The following PLXDC2 variants were observed in gnomAD, a reference collection of about 807,000 sequenced individuals.
PLXDC2 encodes the protein plexin domain-containing protein 2.
PLXDC2 carries 40 observed loss-of-function variants against 68.9 expected under a neutral mutation model. The ratio of observed to expected loss-of-function variants is 0.58; its 90% CI spans 0.45 to 0.76. The LOEUF (loss-of-function observed/expected upper bound fraction) is 0.76. Among genes scored for constraint, PLXDC2 ranks in the 30% least tolerant of loss-of-function variants. The pLI, the probability that PLXDC2 is intolerant of heterozygous loss-of-function variation, is 0.00. For synonymous variants in PLXDC2, 243 were observed against 234.2 expected, an observed-to-expected ratio of 1.04 and a Z score of -0.34; for missense variants, 644 against 661.9, an observed-to-expected ratio of 0.97 and a Z score of 0.30.
At chr10:19,933,814 AAAGG>A (rs1246668360) in intron 1 of PLXDC2, among the ~76,000 whole-genome samples, 4 of 137,664 alleles carry the variant, frequency 2.9e-5, no homozygotes, top group Non-Finnish European at 4.7e-5. Context: ...GGGAGGGAAA[AAAGG>A]AAGGAGGGAA....
intron 2 of PLXDC2, among the ~76,000 whole-genome samples, chr10:20,039,491 C>G (rs1439110790): frequency 1.3e-5 from 2 of 151,994 alleles, no homozygotes; most frequent in African/African-American, 2.4e-5. Context: ...GGTTATTGAC[C>G]TTGAATCTCC....
intron 13 of PLXDC2, among the ~76,000 whole-genome samples, chr10:20,248,426 C>A (rs1835629185): frequency 6.6e-6 from 1 of 152,146 alleles, no homozygotes; most frequent in Non-Finnish European, 1.5e-5. Context: ...CTGAGTGAGG[C>A]TCAGAAGAGT....
chr10:20,222,635 T>C (rs1835227876), intron 12 of PLXDC2, among the ~76,000 whole-genome samples: 1 of 152,114 alleles, frequency 6.6e-6, no homozygotes, highest in Non-Finnish European at 1.5e-5. Context: ...AATTCAGGTC[T>C]CTTTAGTAAG....
intron 4 of PLXDC2, among the ~76,000 whole-genome samples, chr10:20,113,508 C>A (rs2460588): frequency 0.36 from 55,313 of 151,982 alleles, 11,678 homozygotes; most frequent in Non-Finnish European, 0.49. Context: ...CTCCTAATTG[C>A]AGCCAATTCC....
intron 2 of PLXDC2, among the ~76,000 whole-genome samples, chr10:20,029,083 C>A (rs1219472818): frequency 1.3e-5 from 2 of 152,106 alleles, no homozygotes; most frequent in South Asian, 2.1e-4. Context: ...ACTAGAGTGA[C>A]CTTCTCAAAT....
intron 12 of PLXDC2, among the ~76,000 whole-genome samples, chr10:20,232,961 T>A (rs994165981): frequency 2.0e-5 from 3 of 152,314 alleles, no homozygotes; most frequent in Admixed American, 6.5e-5. Flanking sequence ...AGTTTTTTTT[T>A]AAATTCCTGT....
intron 1 of PLXDC2, among the ~76,000 whole-genome samples, chr10:19,968,911 G>A (rs777893116): frequency 2.0e-5 from 3 of 152,138 alleles, no homozygotes; most frequent in Non-Finnish European, 2.9e-5. Context: ...GAAAACAGGT[G>A]GCAAAAGTTC....
At chr10:20,222,144 G>A (rs1835220955) in intron 12 of PLXDC2, among the ~76,000 whole-genome samples, 1 of 151,976 alleles carries the variant, frequency 6.6e-6, no homozygotes, top group African/African-American at 2.4e-5. Flanking sequence ...TTTCAAAGTA[G>A]TCAGTAAGTA....
intron 6 of PLXDC2, among the ~76,000 whole-genome samples, chr10:20,160,270 G>A (rs1452887844): frequency 6.6e-6 from 1 of 152,046 alleles, no homozygotes; most frequent in Non-Finnish European, 1.5e-5. Context: ...ACTCATAGTA[G>A]AGTTATATGG....
chr10:19,976,425 G>A (rs1834457850), intron 1 of PLXDC2, among the ~76,000 whole-genome samples: 1 of 152,130 alleles, frequency 6.6e-6, no homozygotes, highest in African/African-American at 2.4e-5. Context: ...CTGTTGGCCA[G>A]GCTGGTCTTG....
chr10:19,857,726 C>T (rs966074649), intron 1 of PLXDC2, among the ~76,000 whole-genome samples: 4 of 152,110 alleles, frequency 2.6e-5, no homozygotes, highest in African/African-American at 9.7e-5. Flanking sequence ...AAATATATGC[C>T]TGTTCTCCAT....
chr10:20,289,117 AC>A lies in PLXDC2; in HGVS notation c.*9301del, dbSNP rs1409641370. ...CTTCCATTAGTGTTCAAAAGGTTCT[AC>A]CCATTGTGGAAGAAATTCTGTGTGC... is the stretch of plus-strand genomic sequence containing the variant. On this transcript the variant is annotated 3_prime_UTR_variant, in exon 14 of 14. Coordinates refer to ENST00000377252, the MANE Select transcript of PLXDC2 (RefSeq NM_032812.9). The A allele has an allele frequency of 6.6e-6, 1 of 152,164 alleles. No individual in the cohort carries two copies. The highest frequency in any genetic ancestry group is 2.4e-5 in the African/African-American group (1 of 41,430). 9.4% of individuals were successfully genotyped at this position (152,164 alleles called of 1,614,324 possible).
At chr10:19,865,142 C>T (rs998607975) in intron 1 of PLXDC2, among the ~76,000 whole-genome samples, 2 of 152,122 alleles carry the variant, frequency 1.3e-5, no homozygotes, top group African/African-American at 4.8e-5. Flanking sequence ...TGCATAGACC[C>T]AGTGATGAAG....
chr10:20,133,541 A>G (rs533734323), intron 4 of PLXDC2, among the ~76,000 whole-genome samples: 4 of 152,256 alleles, frequency 2.6e-5, no homozygotes, highest in South Asian at 2.1e-4. Flanking sequence ...CTTTTGCCCT[A>G]TAAGGTTCCT....
At chr10:20,255,183 A>G (rs973861976) in intron 13 of PLXDC2, among the ~76,000 whole-genome samples, 2 of 134,742 alleles carry the variant, frequency 1.5e-5, no homozygotes, top group Non-Finnish European at 3.2e-5. Context: ...ATGGGTGGAT[A>G]GGTGGATGGA....
chr10:20,019,504 C>T (rs535873443), intron 2 of PLXDC2, among the ~76,000 whole-genome samples: 2 of 152,182 alleles, frequency 1.3e-5, no homozygotes, highest in Admixed American at 6.5e-5. Context: ...AGCCCTAGCC[C>T]CCAGTGTGAC....
chr10:20,199,415 G>A (rs1289705703), intron 9 of PLXDC2, among the ~76,000 whole-genome samples: 3 of 151,690 alleles, frequency 2.0e-5, no homozygotes, highest in African/African-American at 7.3e-5. Flanking sequence ...GCAGAAAAAA[G>A]AAACATAAGT....
chr10:19,849,452 C>T (rs1216359347), intron 1 of PLXDC2, among the ~76,000 whole-genome samples: 2 of 152,134 alleles, frequency 1.3e-5, no homozygotes, highest in Non-Finnish European at 2.9e-5. Context: ...TCGTAGTTCC[C>T]ATAATCCCCA....
At chr10:20,039,179 T>C (rs1272887708) in intron 2 of PLXDC2, among the ~76,000 whole-genome samples, 1 of 152,138 alleles carries the variant, frequency 6.6e-6, no homozygotes, top group Non-Finnish European at 1.5e-5. Context: ...CCCACAACTA[T>C]GTGAGAATGT....
Sources: gnomAD v4.1 joint callset for allele counts (sites outside exome capture counted in the v4.1 genomes callset) on GRCh38, gnomAD v4.1.1 for gene constraint, MANE v1.5 for transcripts, NCBI Gene and HGNC (gene_info 2026-07-23, HGNC 2026-07-21) for gene names.